Variants in ASAP1 observed in about 807,000 individuals in gnomAD.
The protein encoded by ASAP1 is arf-GAP with SH3 domain, ANK repeat and PH domain-containing protein 1.
ASAP1 carries 43 observed loss-of-function variants against 145.2 expected under a neutral mutation model. The observed-to-expected ratio is 0.30, with a 90% CI of 0.23 to 0.38. ASAP1 has a LOEUF of 0.38. ASAP1 is among the 10% of genes least tolerant of loss of function. The probability of loss-of-function intolerance (pLI) is 1.00; values close to 1 mark genes in which losing one functional copy is unlikely to be tolerated. For missense variants in ASAP1, 1,018 were observed against 1,355.3 expected, an observed-to-expected ratio of 0.75 and a Z score of 3.91; for synonymous variants, 546 against 515.5, an observed-to-expected ratio of 1.06 and a Z score of -0.80.
At chr8:130,329,676 T>C (rs990908161) in intron 3 of ASAP1, among the ~76,000 whole-genome samples, 8 of 152,234 alleles carry the variant, frequency 5.3e-5, no homozygotes, top group Non-Finnish European at 7.3e-5. Flanking sequence ...GAGAGTATTT[T>C]ACATTTTAAG....
At chr8:130,212,298 G>C (rs927037390) in intron 5 of ASAP1, among the ~76,000 whole-genome samples, 1 of 152,162 alleles carries the variant, frequency 6.6e-6, no homozygotes, top group Non-Finnish European at 1.5e-5. Context: ...TTTACTAAAT[G>C]AATTAGGTTT....
At chr8:130,325,601 G>GA (rs1354507370) in intron 3 of ASAP1, among the ~76,000 whole-genome samples, 15 of 152,306 alleles carry the variant, frequency 9.8e-5, no homozygotes, top group Admixed American at 2.0e-4. Flanking sequence ...ATACAAAGAG[G>GA]AAAGCATAGC....
intron 1 of ASAP1, among the ~76,000 whole-genome samples, chr8:130,430,780 G>C (rs565207293): frequency 6.6e-6 from 1 of 152,310 alleles, no homozygotes; most frequent in South Asian, 2.1e-4. Flanking sequence ...TGGAAGAAGA[G>C]CAAGAAAGAA....
chr8:130,439,322 G>A (rs1318384134), intron 1 of ASAP1, among the ~76,000 whole-genome samples: 1 of 152,140 alleles, frequency 6.6e-6, no homozygotes, highest in Non-Finnish European at 1.5e-5. Flanking sequence ...ATCCATTCTA[G>A]ACTTCTGACC....
intron 12 of ASAP1, among the ~76,000 whole-genome samples, chr8:130,154,985 C>T (rs937674170): frequency 1.3e-5 from 2 of 152,204 alleles, no homozygotes; most frequent in East Asian, 1.9e-4. Flanking sequence ...AGTAGTTTTG[C>T]ATCCATCTTA....
chr8:130,412,466 T>A (rs1362439171), intron 1 of ASAP1, among the ~76,000 whole-genome samples: 1 of 151,832 alleles, frequency 6.6e-6, no homozygotes, highest in African/African-American at 2.4e-5. Flanking sequence ...TACCATGATT[T>A]TAAGTTTTTT....
chr8:130,319,519 G>A (rs193237371), intron 3 of ASAP1, among the ~76,000 whole-genome samples: 5 of 152,148 alleles, frequency 3.3e-5, no homozygotes, highest in African/African-American at 1.2e-4. Context: ...AACAGAGCAA[G>A]TATTTACAAA....
rs558640522 is a variant in ASAP1 at position 130,149,330 on chromosome 8, G to A, written c.1080+3406C>T. On this transcript the variant is annotated intron_variant, in intron 13 of 29. Coordinates refer to ENST00000518721, the MANE Select transcript of ASAP1 (RefSeq NM_018482.4). ...CACTGAATTTGGTTCCCACAATTCT[G>A]CATTACTTTGAATAGTTGGTAAAAG... Among the ~76,000 whole-genome samples, 18 of 151,294 alleles carry A rather than the reference G, an allele frequency of 1.2e-4. No homozygotes were observed. In the East Asian group the frequency reaches 2.3e-3, roughly 20 times the overall value.
At chr8:130,344,274 C>T (rs970439360) in intron 3 of ASAP1, among the ~76,000 whole-genome samples, 5 of 151,926 alleles carry the variant, frequency 3.3e-5, no homozygotes, top group Admixed American at 2.0e-4. Flanking sequence ...TTAAATAAAC[C>T]ATTTTTTTTT....
At chr8:130,271,230 A>G (rs1315041268) in intron 3 of ASAP1, among the ~76,000 whole-genome samples, 2 of 152,224 alleles carry the variant, frequency 1.3e-5, no homozygotes, top group Non-Finnish European at 2.9e-5. Flanking sequence ...CAAGTGCCTT[A>G]GACCCAGAGG....
Position 130,181,734 on chromosome 8 carries a change from G to A in ASAP1, c.531-854C>T, listed in dbSNP as rs190550217. The stretch of plus-strand genomic sequence containing the variant: ...CCACATTAAACATACAGTAGCTGAC[G>A]CTAGTGCTCGGCTCTGATAGATGAT... On this transcript the variant is annotated intron_variant, in intron 7 of 29. Coordinates refer to ENST00000518721, the MANE Select transcript of ASAP1 (RefSeq NM_018482.4). 1.0e-3 allele frequency among the ~76,000 whole-genome samples: 155 copies of A among 152,294 alleles called. 1 individual carries two copies. Among genetic ancestry groups the A allele is most frequent in the African/African-American group, 3.1e-3 (127 of 41,556 alleles).
intron 24 of ASAP1, among the ~76,000 whole-genome samples, chr8:130,107,373 G>C (rs917493255): frequency 2.0e-5 from 3 of 151,650 alleles, no homozygotes; most frequent in Non-Finnish European, 4.4e-5. Context: ...TTTTAGTAGA[G>C]ACAGGGTTTT....
chr8:130,361,830 A>C, intron 2 of ASAP1: 1 of 1,247,910 alleles, frequency 8.0e-7, no homozygotes, highest in Non-Finnish European at 1.1e-6. Context: ...CTTTGTGTGG[A>C]GCTGCCCCGA....
intron 13 of ASAP1, among the ~76,000 whole-genome samples, chr8:130,142,605 G>C (rs191113714): frequency 6.6e-6 from 1 of 152,318 alleles, no homozygotes; most frequent in East Asian, 1.9e-4. Flanking sequence ...CTGAGCTCAA[G>C]GGTGTGCACC....
At chr8:130,138,586 C>T (rs1186274450) in intron 13 of ASAP1, among the ~76,000 whole-genome samples, 2 of 152,142 alleles carry the variant, frequency 1.3e-5, no homozygotes, top group Admixed American at 1.3e-4. Context: ...CCTGTAATCC[C>T]AGCACTTTGA....
At chr8:130,299,936 G>A (rs945813290) in intron 3 of ASAP1, among the ~76,000 whole-genome samples, 1 of 151,972 alleles carries the variant, frequency 6.6e-6, no homozygotes, top group East Asian at 1.9e-4. Context: ...TGGTGGACTG[G>A]AAAACCACTA....
At chr8:130,071,451 T>C (rs1253688843) in intron 27 of ASAP1, among the ~76,000 whole-genome samples, 1 of 152,236 alleles carries the variant, frequency 6.6e-6, no homozygotes, top group Non-Finnish European at 1.5e-5. Flanking sequence ...TGCATCTATG[T>C]AGCCTCACCC....
chr8:130,217,054 A>G (rs1307413335), intron 4 of ASAP1, among the ~76,000 whole-genome samples: 1 of 152,226 alleles, frequency 6.6e-6, no homozygotes, highest in East Asian at 1.9e-4. Flanking sequence ...TACAGAAAGG[A>G]GTACTGCATT....
rs1332875458 is a variant in ASAP1 at position 130,130,859 on chromosome 8, C to T, written c.1218-2769G>A. 2.6e-5 allele frequency among the ~76,000 whole-genome samples: 4 copies of T among 151,852 alleles called. No homozygotes were observed. The East Asian group carries it at 7.8e-4, about 29-fold the overall frequency. On this transcript the variant is annotated intron_variant, in intron 15 of 29. Transcript: ENST00000518721. Reference sequence around the variant, plus strand: ...AGGAGTTCAAGTCCAGCCTGGGCAACATAGATCTCATTTTAAAAAAAAAAG... The same window carrying T: ...AGGAGTTCAAGTCCAGCCTGGGCAATATAGATCTCATTTTAAAAAAAAAAG...
Sources: gnomAD v4.1 joint callset for allele counts (sites outside exome capture counted in the v4.1 genomes callset) on GRCh38, gnomAD v4.1.1 for gene constraint, MANE v1.5 for transcripts, NCBI Gene and HGNC (gene_info 2026-07-23, HGNC 2026-07-21) for gene names.